Variants in COL7A1 observed in about 807,000 individuals in gnomAD.
The protein encoded by COL7A1 is collagen alpha-1(VII) chain.
Under a neutral mutation model 456.2 loss-of-function variants are expected in COL7A1, and 296 were observed. The observed-to-expected ratio is 0.65, with a 90% confidence interval of 0.59 to 0.71. The LOEUF (loss-of-function observed/expected upper bound fraction) is 0.71, where lower values mean the gene tolerates loss of function less well. Ranked by LOEUF, COL7A1 falls within the 30% of genes least tolerant of loss-of-function variation. COL7A1 has a pLI of 0.00. For missense variants in COL7A1, 3,441 were observed against 4,017.2 expected (o/e 0.86, Z 3.88); for synonymous variants, 1,464 against 1,525.9 (o/e 0.96, Z 0.95).
At position 48,593,554 on chromosome 3, in the gene COL7A1, G is replaced by A. The variant is rs1203706188; in HGVS notation, c.409C>T (p.Arg137Ter). 3.7e-6 allele frequency: 6 copies of A among 1,614,144 alleles called. No homozygotes were observed. Among genetic ancestry groups the A allele is most frequent in the Admixed American group, 1.7e-5 (1 of 60,028 alleles). The change falls in exon 4 of 119, where the codon CGA becomes TGA. Residue 137 changes from arginine to a stop codon, truncating the protein, a stop_gained. Transcript: ENST00000681320. LOFTEE classifies it high-confidence loss of function. This position sits in a 1 kb window ranked among gnomAD's most constrained non-coding sequence, Gnocchi z 4.4. ...ADHVFLPQLARPGVPKVCILI... is the reference protein window; with the variant it reads ...ADHVFLPQLA ...GGGATCACCTTGGGGACACCAGGTC[G>A]GGCCAGCTGGGGCAGGAAGACATGG...
chr3:48,578,268 G>A lies in COL7A1; in HGVS notation c.5532+53C>T, dbSNP rs746672639. On this transcript the variant is annotated intron_variant, in intron 65 of 118. Transcript: ENST00000681320. This position sits in a 1 kb window ranked among gnomAD's most constrained non-coding sequence, Gnocchi z 4.7. ...GTTGCTACAGATCTTGGCTGTGTAGGTGTGCTGGCGTTTCTTGGCAGGTTT... is the reference window on the plus strand; with the variant it reads ...GTTGCTACAGATCTTGGCTGTGTAGATGTGCTGGCGTTTCTTGGCAGGTTT... 6 of 1,606,478 alleles carry A rather than the reference G, an allele frequency of 3.7e-6. No homozygotes were observed. The highest frequency in any genetic ancestry group is 5.1e-6 in the Non-Finnish European group (6 of 1,175,304).
rs373138319 is a variant in COL7A1, at chr3:48,592,013, G to A, written c.1242C>T (p.Asp414=). The A allele has an allele frequency of 3.3e-5, 53 of 1,614,102 alleles. No homozygotes were observed. Among genetic ancestry groups the A allele is most frequent in the Middle Eastern group, 1.6e-4 (1 of 6,084 alleles). The change falls in exon 11 of 119, where the codon GAC becomes GAT. Residue 414 remains aspartate, a splice_region_variant and synonymous_variant. Coordinates refer to ENST00000681320, the MANE Select transcript of COL7A1 (RefSeq NM_000094.4). The surrounding 1 kb of genome is among the most constrained non-coding windows in gnomAD (Gnocchi z 7.6). ...GPATSLMART[D]ASVEQTLRPV... is the part of the protein sequence containing the mutation. The stretch of plus-strand genomic sequence containing the variant: ...GGCGCAGGGTCTGCTCAACAGAAGC[G>A]TCTGCCCAGGGCACATGGGATGTCA...
Position 48,573,787 on chromosome 3 carries a change from G to A in COL7A1, c.6538-62C>T. ...AGCCGCACCCCACCAAGGAAACTGAGGCAGTACTGGTCACTGGGGCAGGGC... is the reference window on the plus strand; with the variant it reads ...AGCCGCACCCCACCAAGGAAACTGAAGCAGTACTGGTCACTGGGGCAGGGC... On this transcript the variant is annotated intron_variant, in intron 81 of 118. Transcript: ENST00000681320. This position sits in a 1 kb window ranked among gnomAD's most constrained non-coding sequence, Gnocchi z 5.5. 1 of 1,613,980 alleles carries A rather than the reference G, an allele frequency of 6.2e-7. No homozygotes were observed. The highest frequency in any genetic ancestry group is 8.5e-7 in the Non-Finnish European group (1 of 1,179,954).
chr3:48,584,370 G>T lies in COL7A1; in HGVS notation c.4125C>A (p.Pro1375=), dbSNP rs2045052188. ...CCCCCAGTGGTCCACGAGGTCCAGGGGGGCCCTGATGGAGGAGACAAAGTA... is the reference window on the plus strand; with the variant it reads ...CCCCCAGTGGTCCACGAGGTCCAGGTGGGCCCTGATGGAGGAGACAAAGTA... The part of the protein sequence containing the change: ...GRKGDPGPSG[P]PGPRGPLGDP... The change falls in exon 37 of 119, where the codon CCC becomes CCA. Residue 1375 remains proline (P), a synonymous_variant. Transcript: ENST00000681320. The T allele has an allele frequency of 2.5e-6, 4 of 1,613,728 alleles. No individual in the cohort carries two copies. Among genetic ancestry groups the T allele is most frequent in the Non-Finnish European group, 3.4e-6 (4 of 1,179,830 alleles).
chr3:48,569,230 C>G lies in COL7A1; in HGVS notation c.7686+145G>C. The G allele has an allele frequency of 1.0e-6, 1 of 996,160 alleles. No homozygotes were observed. Among genetic ancestry groups the G allele is most frequent in the Non-Finnish European group, 1.6e-6 (1 of 639,850 alleles). The allele number at this position is 996,160 out of a possible 1,614,324, so 61.7% of individuals were successfully genotyped here. On this transcript the variant is annotated intron_variant, in intron 103 of 118. Transcript: ENST00000681320. This position sits in a 1 kb window ranked among gnomAD's most constrained non-coding sequence, Gnocchi z 4.9. ...GAGCCCTCCCTAGAGCCCCTCCTCT[C>G]GGCCACTCCATAGTCAGCCACAGAA...
At position 48,575,373 on chromosome 3, in the gene COL7A1, C is replaced by T. The variant is rs1410793870; in HGVS notation, c.6146G>A (p.Gly2049Glu). 1 of 1,612,208 alleles carries T rather than the reference C, an allele frequency of 6.2e-7. No homozygotes were observed. The highest frequency in any genetic ancestry group is 8.5e-7 in the Non-Finnish European group (1 of 1,179,366). Reference protein sequence around the residue: ...PGIPGLPGRAGGVGEAGRPGE... With the variant: ...PGIPGLPGRAEGVGEAGRPGE... ...TGGCCTTCCTGCCTCTCCCACACCC[C>T]CAGCCCTGCCTGGGAGCCCGGGAAT... The change falls in exon 74 of 119, where the codon GGG (glycine) becomes GAG (glutamate). Residue 2049 changes from glycine (G) to glutamate (E), a missense_variant. Transcript: ENST00000681320. The surrounding 1 kb of genome is among the most constrained non-coding windows in gnomAD (Gnocchi z 6.3).
At position 48,566,120 on chromosome 3, in the gene COL7A1, T is replaced by G. The variant is rs558868193; in HGVS notation, c.8407+147A>C. The G allele has an allele frequency of 7.7e-5, 65 of 846,254 alleles. 1 individual carries two copies. In the East Asian group the frequency reaches 1.7e-3, roughly 22 times the overall value. The allele number at this position is 846,254 out of a possible 1,614,324, so 52.4% of individuals were successfully genotyped here. ...CCCTCCACTGGGGACACATGTCATGTGTCAGTCCTGCAGCACATGTGTCCT... is the reference window on the plus strand; with the variant it reads ...CCCTCCACTGGGGACACATGTCATGGGTCAGTCCTGCAGCACATGTGTCCT... On this transcript the variant is annotated intron_variant, in intron 114 of 118. Transcript: ENST00000681320. This position sits in a 1 kb window ranked among gnomAD's most constrained non-coding sequence, Gnocchi z 5.9.
Position 48,568,239 on chromosome 3 carries a change from A to G in COL7A1, c.7795-69T>C. 1.3e-6 allele frequency: 2 copies of G among 1,552,354 alleles called. No homozygotes were observed. Among genetic ancestry groups the G allele is most frequent in the Admixed American group, 3.4e-5 (2 of 59,618 alleles). On this transcript the variant is annotated intron_variant, in intron 105 of 118. Transcript: ENST00000681320. This position sits in a 1 kb window ranked among gnomAD's most constrained non-coding sequence, Gnocchi z 5.2. ...GGGACCAAAGAGAATCGCCCTGGATAGTGGGTAGGGAACACCATGGGGTGG... is the reference window on the plus strand; with the variant it reads ...GGGACCAAAGAGAATCGCCCTGGATGGTGGGTAGGGAACACCATGGGGTGG...
In COL7A1 at chr3:48,569,560, G is replaced by A. The variant is rs574182106; in HGVS notation, c.7614+32C>T. ...CCCACGGGGTCCCTCTCGCACCCAG[G>A]GGAGACCCAGTCCACACGTGGGCCC... On this transcript the variant is annotated intron_variant, in intron 102 of 118. Transcript: ENST00000681320. This position sits in a 1 kb window ranked among gnomAD's most constrained non-coding sequence, Gnocchi z 4.9. 6.2e-7 allele frequency: 1 copy of A among 1,613,526 alleles called. No individual in the cohort carries two copies. The highest frequency in any genetic ancestry group is 1.1e-5 in the South Asian group (1 of 91,066).
Position 48,594,573 on chromosome 3 carries a change from G to A in COL7A1, c.86-25C>T. On this transcript the variant is annotated intron_variant, in intron 2 of 118. Transcript: ENST00000681320. This position sits in a 1 kb window ranked among gnomAD's most constrained non-coding sequence, Gnocchi z 5.5. ...ACTGGGGCGGGCAGGAGAGATCAGGGCCTCTTCTGGGAGGCCAACCACCCG... is the reference window on the plus strand; with the variant it reads ...ACTGGGGCGGGCAGGAGAGATCAGGACCTCTTCTGGGAGGCCAACCACCCG... The A allele has an allele frequency of 1.3e-6, 2 of 1,556,706 alleles. No individual in the cohort carries two copies. The highest frequency in any genetic ancestry group is 2.4e-5 in the East Asian group (1 of 41,614).
chr3:48,593,632 T>C lies in COL7A1; in HGVS notation c.331A>G (p.Ser111Gly), dbSNP rs766852847. Residue 111 changes from serine (S) to glycine (G), a missense_variant, in exon 4 of 119, where the codon AGC (serine) becomes GGC (glycine). Ser to Gly is a moderately conservative substitution (Grantham distance 56). Around this residue, in one of 3 missense-constraint regions of COL7A1, gnomAD observed 913 missense variants for 1,088.2 expected, o/e 0.84. Coordinates refer to ENST00000681320, the MANE Select transcript of COL7A1 (RefSeq NM_000094.4). The surrounding 1 kb of genome is among the most constrained non-coding windows in gnomAD (Gnocchi z 4.4). ...GTGCGAGTGTTGCCCCCCTTGTAGC[T>C]AAGCTCACGGATGGCGCGGATCACA... The part of the protein sequence containing the change: ...GDVIRAIREL[S>G]YKGGNTRTGA... 5.6e-6 allele frequency: 9 copies of C among 1,614,196 alleles called. No homozygotes were observed. Among genetic ancestry groups the C allele is most frequent in the Non-Finnish European group, 7.6e-6 (9 of 1,180,026 alleles).
At chr3:48,595,224 C>G (rs968433835) in intron 1 of COL7A1, 44 bp downstream of exon 1, 3 of 1,378,044 alleles carry the variant, frequency 2.2e-6, no homozygotes, top group Non-Finnish European at 3.0e-6. Flanking sequence ...GTGGCCTTGG[C>G]AGGTCCGAGC....
rs2045957582 is a variant in COL7A1 at position 48,594,747 on chromosome 3, G to A, written c.86-199C>T. Reference sequence around the variant, plus strand: ...CCAGAGCAGACTCCCGCGGAGGGTTGGGGGTGTGCGGGGGAGGGAGAGTCG... The same window carrying A: ...CCAGAGCAGACTCCCGCGGAGGGTTAGGGGTGTGCGGGGGAGGGAGAGTCG... On this transcript the variant is annotated intron_variant, in intron 2 of 118. Coordinates refer to ENST00000681320, the MANE Select transcript of COL7A1 (RefSeq NM_000094.4). The surrounding 1 kb of genome is among the most constrained non-coding windows in gnomAD (Gnocchi z 5.5). Among the ~76,000 whole-genome samples the A allele has an allele frequency of 6.6e-6, 1 of 152,126 alleles. No individual in the cohort carries two copies. Among genetic ancestry groups the A allele is most frequent in the African/African-American group, 2.4e-5 (1 of 41,432 alleles).
intron 37 of COL7A1, 108 bp downstream of exon 37, chr3:48,584,190 A>G: frequency 1.9e-6 from 3 of 1,560,342 alleles, no homozygotes; most frequent in Non-Finnish European, 2.6e-6. Context: ...CATGGTGAGG[A>G]TGGGGGTAAT....
rs377071800 is a variant in COL7A1, at chr3:48,583,679, C to A, written c.4341+39G>T. 52 of 1,613,666 alleles carry A rather than the reference C, an allele frequency of 3.2e-5. No individual in the cohort carries two copies. The highest frequency in any genetic ancestry group is 4.3e-5 in the Non-Finnish European group (51 of 1,179,790). ...GCCCTGCCCCCAGCACGCAGCCTCC[C>A]ACCCCAGAACTGGGACATCATCAAG... On this transcript the variant is annotated intron_variant, in intron 40 of 118. Coordinates refer to ENST00000681320, the MANE Select transcript of COL7A1 (RefSeq NM_000094.4). The surrounding 1 kb of genome is among the most constrained non-coding windows in gnomAD (Gnocchi z 5.1).
At position 48,588,502 on chromosome 3, in the gene COL7A1, G is replaced by T. The variant is rs533466457; in HGVS notation, c.2588-98C>A. 3.5e-5 allele frequency: 56 copies of T among 1,596,876 alleles called. No homozygotes were observed. Among genetic ancestry groups the T allele is most frequent in the Non-Finnish European group, 4.6e-5 (54 of 1,174,768 alleles). On this transcript the variant is annotated intron_variant, in intron 20 of 118. Coordinates refer to ENST00000681320, the MANE Select transcript of COL7A1 (RefSeq NM_000094.4). The surrounding 1 kb of genome is among the most constrained non-coding windows in gnomAD (Gnocchi z 4.6). ...CACACGCACCCCGCCCAGCCTCTCA[G>T]ACCCCTCTCCCTCCTCTCAGACCCT...
Position 48,582,072 on chromosome 3 carries a change from C to G in COL7A1, c.4636-129G>C. On this transcript the variant is annotated intron_variant, in intron 47 of 118. Transcript: ENST00000681320. ...AGTCCCCGCCCAGAAGTCACAGAGT[C>G]ACCGCTGACAGCAGGGAAGGGGTTA... is the stretch of plus-strand genomic sequence containing the variant. 3 of 1,385,828 alleles carry G rather than the reference C, an allele frequency of 2.2e-6. No homozygotes were observed. The South Asian group carries it at 3.5e-5, about 16-fold the overall frequency. 85.8% of individuals were successfully genotyped at this position (1,385,828 alleles called of 1,614,324 possible).
chr3:48,582,151 A>G (rs1301967640), intron 47 of COL7A1, among the ~76,000 whole-genome samples, 172 bp downstream of exon 47: 1 of 152,228 alleles, frequency 6.6e-6, no homozygotes, highest in Non-Finnish European at 1.5e-5. Flanking sequence ...TCTTGGGGTC[A>G]CAGGATCATA....
chr3:48,568,443 T>G lies in COL7A1; in HGVS notation c.7794+56A>C, dbSNP rs907398499. ...AGCTACCACACTGGTGGGACCACCA[T>G]GGTGACGGGGGCCCTCTGGGGACAG... On this transcript the variant is annotated intron_variant, in intron 105 of 118. Transcript: ENST00000681320. The surrounding 1 kb of genome is among the most constrained non-coding windows in gnomAD (Gnocchi z 5.2). 2.6e-6 allele frequency: 4 copies of G among 1,529,380 alleles called. No homozygotes were observed. The highest frequency in any genetic ancestry group is 3.6e-6 in the Non-Finnish European group (4 of 1,118,132). 94.7% of individuals were successfully genotyped at this position (1,529,380 alleles called of 1,614,324 possible).
Sources: allele counts gnomAD v4.1 joint callset (sites outside exome capture counted in the v4.1 genomes callset), GRCh38; gene constraint gnomAD v4.1.1; regional missense constraint gnomAD v4.1.1; non-coding constraint Gnocchi (gnomAD v3.1); transcripts MANE v1.5; gene names NCBI Gene and HGNC (gene_info 2026-07-23, HGNC 2026-07-21).